Variants in WWP2 observed in about 807,000 individuals in gnomAD.
WWP2 encodes the protein NEDD4-like E3 ubiquitin-protein ligase WWP2.
In WWP2, 57 loss-of-function variants were observed where a neutral mutation model predicts 121.0. The observed-to-expected ratio is 0.47, with a 90% CI of 0.38 to 0.59. The LOEUF is 0.59. Ranked by LOEUF, WWP2 falls within the 20% of genes least tolerant of loss-of-function variation. The pLI is 0.00. For missense variants in WWP2, 962 were observed against 1,158.9 expected (o/e 0.83, Z 2.47); for synonymous variants, 449 against 441.3 (o/e 1.02, Z -0.22).
chr16:69,841,332 G>A (rs377758808), intron 5 of WWP2, among the ~76,000 whole-genome samples: 2 of 152,144 alleles, frequency 1.3e-5, no homozygotes, highest in African/African-American at 2.4e-5. Context: ...TCTAAGTTGC[G>A]GGGTCAGGGA....
chr16:69,855,836 C>A (rs943165390), intron 6 of WWP2, among the ~76,000 whole-genome samples: 1 of 152,210 alleles, frequency 6.6e-6, no homozygotes, highest in Non-Finnish European at 1.5e-5. Context: ...GGTGCCAGAT[C>A]ATTCTGATGA....
intron 7 of WWP2, among the ~76,000 whole-genome samples, chr16:69,882,702 A>G (rs2057853276): frequency 6.6e-6 from 1 of 152,214 alleles, no homozygotes; most frequent in Non-Finnish European, 1.5e-5. Context: ...ATGCAGCAAG[A>G]ACACAAGGGA....
intron 6 of WWP2, among the ~76,000 whole-genome samples, chr16:69,859,732 T>C (rs1214303530): frequency 6.6e-6 from 1 of 151,896 alleles, no homozygotes; most frequent in East Asian, 1.9e-4. Flanking sequence ...CCCCTCCACC[T>C]TCGAGCCAGG....
At chr16:69,842,797 G>A (rs2057003556) in intron 6 of WWP2, among the ~76,000 whole-genome samples, 1 of 152,096 alleles carries the variant, frequency 6.6e-6, no homozygotes, top group Non-Finnish European at 1.5e-5. Context: ...AGCATCCTGA[G>A]TAGCTGAGAC....
At chr16:69,894,075 A>ATT (rs113980202) in intron 8 of WWP2, among the ~76,000 whole-genome samples, 15 of 138,998 alleles carry the variant, frequency 1.1e-4, no homozygotes, top group Admixed American at 2.2e-4. Context: ...AGGTTGCTGC[A>ATT]TTTTTTTTTT....
chr16:69,898,163 G>A (rs963369966), intron 8 of WWP2, among the ~76,000 whole-genome samples: 11 of 151,654 alleles, frequency 7.3e-5, no homozygotes, highest in Admixed American at 2.6e-4. Flanking sequence ...AAGTAGCTGG[G>A]ATTACAGGCA....
intron 2 of WWP2, among the ~76,000 whole-genome samples, chr16:69,796,352 T>C (rs903542400): frequency 6.6e-6 from 1 of 152,194 alleles, no homozygotes; most frequent in Non-Finnish European, 1.5e-5. Flanking sequence ...ATACTCCTAA[T>C]CTGCCGAGCA....
At chr16:69,824,757 G>A (rs930056420) in intron 4 of WWP2, among the ~76,000 whole-genome samples, 7 of 143,020 alleles carry the variant, frequency 4.9e-5, no homozygotes, top group Non-Finnish European at 1.1e-4. Context: ...CCTCAACTTT[G>A]CACCTGTGGC....
At chr16:69,848,964 T>A (rs1267610607) in intron 6 of WWP2, among the ~76,000 whole-genome samples, 1 of 152,234 alleles carries the variant, frequency 6.6e-6, no homozygotes, top group Non-Finnish European at 1.5e-5. Flanking sequence ...TTTTTTGTCC[T>A]GCTTTGATGA....
At chr16:69,844,996 T>C (rs549335923) in intron 6 of WWP2, among the ~76,000 whole-genome samples, 1 of 152,344 alleles carries the variant, frequency 6.6e-6, no homozygotes, top group East Asian at 1.9e-4. Flanking sequence ...CACATGCTTA[T>C]GACTGTAGGC....
intron 6 of WWP2, among the ~76,000 whole-genome samples, chr16:69,849,492 T>TTCATTCAC (rs2057160453): frequency 2.0e-5 from 3 of 152,040 alleles, no homozygotes; most frequent in Admixed American, 2.0e-4. Flanking sequence ...TATTCATTCA[T>TTCATTCAC]TCATTCATTC....
chr16:69,936,222 G>A (rs2058795737), intron 18 of WWP2, 90 bp from the exon 19 acceptor site: 13 of 1,570,726 alleles, frequency 8.3e-6, no homozygotes, highest in Non-Finnish European at 1.1e-5. Context: ...GCCACCTGTG[G>A]GCCCTTGGTG....
Position 69,937,467 on chromosome 16 carries a change from T to C in WWP2, c.2239-81T>C. 4 of 1,476,578 alleles carry C rather than the reference T, an allele frequency of 2.7e-6. No homozygotes were observed. The highest frequency in any genetic ancestry group is 2.3e-5 in the East Asian group (1 of 44,038). The allele number at this position is 1,476,578 out of a possible 1,614,324, so 91.5% of individuals were successfully genotyped here. A position where few individuals can be genotyped will look rare whatever the true frequency, so the allele number is the denominator to read the frequency against. On this transcript the variant is annotated intron_variant, in intron 20 of 23. Transcript: ENST00000359154. This position sits in a 1 kb window ranked among gnomAD's most constrained non-coding sequence, Gnocchi z 6.6. ...ACCAAAAATAGCTAGTTGAATATGT[T>C]TGGGGTAATGTCAAGTGCTAGCGAG...
In WWP2 at chr16:69,899,711, A is replaced by G. The variant is rs1361535803; in HGVS notation, c.915-9050A>G. On this transcript the variant is annotated intron_variant, in intron 8 of 23. Coordinates refer to ENST00000359154, the MANE Select transcript of WWP2 (RefSeq NM_001270454.2). ...CACTGCACTCCAGCCTGGGTGACAG[A>G]GTGAGACTCCGTCTCAAAAAAAAAA... Among the ~76,000 whole-genome samples, 4 of 115,152 alleles carry G rather than the reference A, an allele frequency of 3.5e-5. No homozygotes were observed. In the East Asian group the frequency reaches 1.2e-3, roughly 35 times the overall value. The allele number at this position is 115,152 out of a possible 152,430, so 75.5% of individuals were successfully genotyped here. A position where few individuals can be genotyped will look rare whatever the true frequency, so the allele number is the denominator to read the frequency against.
At chr16:69,769,350 G>A (rs1454794069) in intron 1 of WWP2, among the ~76,000 whole-genome samples, 1 of 150,820 alleles carries the variant, frequency 6.6e-6, no homozygotes, top group African/African-American at 2.4e-5. Context: ...AGAAGTGGGT[G>A]CAAGGTTTAT....
At chr16:69,840,767 T>G (rs1297704576) in intron 5 of WWP2, among the ~76,000 whole-genome samples, 1 of 152,204 alleles carries the variant, frequency 6.6e-6, no homozygotes, top group Admixed American at 6.5e-5. Flanking sequence ...TAGTCTGAAA[T>G]TAGTCACCTT....
chr16:69,816,847 C>T (rs537144008), intron 4 of WWP2, among the ~76,000 whole-genome samples: 10 of 152,252 alleles, frequency 6.6e-5, no homozygotes, highest in Admixed American at 1.3e-4. Flanking sequence ...ATTCTTCCTC[C>T]GTACATTCAA....
intron 4 of WWP2, among the ~76,000 whole-genome samples, chr16:69,812,161 C>CTTTTTT (rs1021541952): frequency 2.5e-4 from 27 of 108,442 alleles, no homozygotes; most frequent in South Asian, 6.2e-4. Flanking sequence ...GAGTACAGAC[C>CTTTTTT]TTTTTTTTTT....
intron 4 of WWP2, among the ~76,000 whole-genome samples, chr16:69,820,823 TATACACAC>T (rs1361549849): frequency 8.1e-6 from 1 of 122,934 alleles, no homozygotes; most frequent in African/African-American, 3.0e-5. Context: ...AATACATGCA[TATACACAC>T]ACACACACAC....
Sources: gnomAD v4.1 joint callset for allele counts (sites outside exome capture counted in the v4.1 genomes callset) on GRCh38, gnomAD v4.1.1 for gene constraint, Gnocchi (gnomAD v3.1) non-coding constraint, MANE v1.5 for transcripts, NCBI Gene and HGNC (gene_info 2026-07-23, HGNC 2026-07-21) for gene names.